Variants in ADAMTSL1 observed in about 807,000 individuals in gnomAD.
ADAMTSL1 encodes ADAMTS like 1, also known as ADAMTS-like protein 1.
A neutral mutation model predicts 201.8 loss-of-function variants in ADAMTSL1; 126 were observed. The ratio of observed to expected loss-of-function variants is 0.62; its 90% CI spans 0.54 to 0.72. ADAMTSL1 has a LOEUF of 0.72. Among genes scored for constraint, ADAMTSL1 ranks in the 30% least tolerant of loss-of-function variants. The pLI, the probability that ADAMTSL1 is intolerant of heterozygous loss-of-function variation, is 0.00. For synonymous variants in ADAMTSL1, 1,121 were observed against 903.4 expected, an observed-to-expected ratio of 1.24 and a Z score of -4.32; for missense variants, 2,679 against 2,277.8, an observed-to-expected ratio of 1.18 and a Z score of -3.59.
chr9:18,462,810 G>A (rs540206914), intron 2 of ADAMTSL1, among the ~76,000 whole-genome samples: 69 of 151,978 alleles, frequency 4.5e-4, no homozygotes, highest in African/African-American at 1.6e-3. Flanking sequence ...ATGGTGGCAC[G>A]CACCTGTAAT....
chr9:17,938,667 G>A lies in ADAMTSL1; in HGVS notation c.87+31745G>A, dbSNP rs561135026. Among the ~76,000 whole-genome samples the A allele has an allele frequency of 2.6e-5, 4 of 152,270 alleles. No homozygotes were observed. In the South Asian group the frequency reaches 8.3e-4, roughly 32 times the overall value. On this transcript the variant is annotated intron_variant, in intron 1 of 29. Coordinates refer to the ADAMTSL1 transcript ENST00000680146. ...AAGCCCCCGACCAAACAAAAGCTAG[G>A]TATGAGGAGAGATTTCCCAGTCATC... is the stretch of plus-strand genomic sequence containing the variant.
intron 2 of ADAMTSL1, among the ~76,000 whole-genome samples, chr9:18,264,480 G>A (rs963505284): frequency 3.3e-5 from 5 of 152,126 alleles, no homozygotes; most frequent in Admixed American, 6.5e-5. Flanking sequence ...ACAACCTGTA[G>A]GGGCTGGGGA....
At chr9:18,714,763 A>C (rs1284113193) in intron 14 of ADAMTSL1, among the ~76,000 whole-genome samples, 16 of 152,060 alleles carry the variant, frequency 1.1e-4, no homozygotes, top group East Asian at 9.6e-4. Flanking sequence ...CCAGTATCAT[A>C]CTGATACCAA....
chr9:18,377,558 C>G (rs754145922), intron 2 of ADAMTSL1, among the ~76,000 whole-genome samples: 9 of 151,826 alleles, frequency 5.9e-5, no homozygotes, highest in Non-Finnish European at 1.2e-4. Context: ...GAAAGATTCA[C>G]TTTTTTGTTG....
chr9:18,090,170 C>A (rs1220364944), intron 1 of ADAMTSL1, among the ~76,000 whole-genome samples: 2 of 152,036 alleles, frequency 1.3e-5, no homozygotes, highest in Non-Finnish European at 2.9e-5. Flanking sequence ...GGTTGCAGCT[C>A]CCTTACAAAT....
chr9:18,771,453 C>A (rs565254657), intron 17 of ADAMTSL1, among the ~76,000 whole-genome samples: 1 of 152,184 alleles, frequency 6.6e-6, no homozygotes, highest in South Asian at 2.1e-4. Context: ...TTCTAGCGTA[C>A]GCCAATTCAT....
intron 3 of ADAMTSL1, among the ~76,000 whole-genome samples, chr9:18,534,507 A>C (rs1425194701): frequency 2.0e-5 from 3 of 152,232 alleles, no homozygotes; most frequent in African/African-American, 7.2e-5. Context: ...GGAATAAAGG[A>C]AACAAAGAGG....
chr9:18,503,564 A>G (rs1822960520), intron 1 of ADAMTSL1, among the ~76,000 whole-genome samples: 1 of 151,874 alleles, frequency 6.6e-6, no homozygotes, highest in Non-Finnish European at 1.5e-5. Flanking sequence ...TTGTTGTAGT[A>G]TCTTTATTAT....
intron 1 of ADAMTSL1, among the ~76,000 whole-genome samples, chr9:18,038,969 A>G (rs1209881867): frequency 6.6e-6 from 1 of 152,220 alleles, no homozygotes; most frequent in Non-Finnish European, 1.5e-5. Flanking sequence ...GTTATCTTCT[A>G]TAAAACTCAT....
At chr9:18,055,041 C>T (rs1410984303) in intron 1 of ADAMTSL1, among the ~76,000 whole-genome samples, 1 of 152,186 alleles carries the variant, frequency 6.6e-6, no homozygotes. Context: ...AGCCATCTCA[C>T]CCTGCCTGCA....
chr9:18,578,941 T>C (rs1265898646), intron 4 of ADAMTSL1, among the ~76,000 whole-genome samples: 1 of 151,426 alleles, frequency 6.6e-6, no homozygotes, highest in Non-Finnish European at 1.5e-5. Flanking sequence ...TGAGATGATA[T>C]CTCATAGTGG....
chr9:18,429,760 G>T (rs772643750), intron 2 of ADAMTSL1, among the ~76,000 whole-genome samples: 5 of 151,770 alleles, frequency 3.3e-5, no homozygotes, highest in Non-Finnish European at 5.9e-5. Flanking sequence ...ATTCTCTATT[G>T]ACATGATAGT....
At chr9:17,934,719 T>A (rs1248121730) in intron 1 of ADAMTSL1, among the ~76,000 whole-genome samples, 1 of 152,028 alleles carries the variant, frequency 6.6e-6, no homozygotes, top group Non-Finnish European at 1.5e-5. Flanking sequence ...AAAAGTCAAA[T>A]TTTCCCCACC....
At chr9:18,193,945 A>G (rs1829072981) in intron 2 of ADAMTSL1, among the ~76,000 whole-genome samples, 1 of 152,172 alleles carries the variant, frequency 6.6e-6, no homozygotes, top group Non-Finnish European at 1.5e-5. Context: ...CTGTATACAT[A>G]TACTAATTTA....
intron 4 of ADAMTSL1, among the ~76,000 whole-genome samples, chr9:18,593,071 C>G (rs769913376): frequency 5.3e-5 from 8 of 152,108 alleles, no homozygotes; most frequent in Non-Finnish European, 1.0e-4. Flanking sequence ...AATTTTGTAT[C>G]TGGCAACTTT....
intron 1 of ADAMTSL1, among the ~76,000 whole-genome samples, chr9:17,973,893 T>C (rs1329568030): frequency 6.7e-6 from 1 of 149,826 alleles, no homozygotes; most frequent in African/African-American, 2.5e-5. Context: ...CCCTTGTAAG[T>C]TGGATTTCTA....
At chr9:18,545,532 A>G (rs1729912182) in intron 3 of ADAMTSL1, among the ~76,000 whole-genome samples, 2 of 152,206 alleles carry the variant, frequency 1.3e-5, no homozygotes, top group African/African-American at 4.8e-5. Flanking sequence ...CTAGAAGTAT[A>G]TGAACTGCTG....
intron 2 of ADAMTSL1, among the ~76,000 whole-genome samples, chr9:18,302,047 C>T (rs765734199): frequency 6.6e-6 from 1 of 152,106 alleles, no homozygotes; most frequent in South Asian, 2.1e-4. Context: ...TAGTCAAAAC[C>T]ATGTCATCTT....
chr9:18,853,391 G>T (rs1253120193), intron 23 of ADAMTSL1, among the ~76,000 whole-genome samples: 1 of 152,138 alleles, frequency 6.6e-6, no homozygotes, highest in Non-Finnish European at 1.5e-5. Context: ...TTAGGGAATG[G>T]GTACAGCTGA....
Sources: allele counts gnomAD v4.1 joint callset (sites outside exome capture counted in the v4.1 genomes callset), GRCh38; gene constraint gnomAD v4.1.1; transcripts MANE v1.5; gene names NCBI Gene and HGNC (gene_info 2026-07-23, HGNC 2026-07-21).